The following CHRM3 variants were observed in gnomAD, a reference collection of about 807,000 sequenced individuals.
CHRM3 encodes cholinergic receptor muscarinic 3.
In CHRM3, 11 loss-of-function variants were observed where a neutral mutation model predicts 41.8. The ratio of observed to expected loss-of-function variants is 0.26; its 90% CI spans 0.17 to 0.44. The LOEUF is 0.44. Ranked by LOEUF, CHRM3 falls within the 20% of genes least tolerant of loss-of-function variation. The pLI is 1.00. For synonymous variants in CHRM3, 297 were observed against 301.4 expected (o/e 0.99, Z 0.15); for missense variants, 571 against 745.4 (o/e 0.77, Z 2.72).
chr1:239,745,827 A>AT (rs1665305372), intron 5 of CHRM3, among the ~76,000 whole-genome samples: 1 of 152,164 alleles, frequency 6.6e-6, no homozygotes, highest in African/African-American at 2.4e-5. Flanking sequence ...TTTTCTTATA[A>AT]TTTTTAATAG....
chr1:239,728,927 T>C (rs1663698689), intron 5 of CHRM3, among the ~76,000 whole-genome samples: 2 of 151,976 alleles, frequency 1.3e-5, no homozygotes, highest in South Asian at 4.1e-4. Flanking sequence ...TGATCAGCAG[T>C]TCTCTAAGTG....
intron 6 of CHRM3, among the ~76,000 whole-genome samples, chr1:239,878,170 T>C (rs1179281830): frequency 1.3e-5 from 2 of 151,264 alleles, no homozygotes; most frequent in African/African-American, 2.4e-5. Flanking sequence ...TTTCTATTAT[T>C]ATTACATTAT....
chr1:239,502,846 A>G (rs1292522932), intron 2 of CHRM3, among the ~76,000 whole-genome samples: 1 of 152,254 alleles, frequency 6.6e-6, no homozygotes, highest in Non-Finnish European at 1.5e-5. Flanking sequence ...AAAGCATTTG[A>G]CAAAATCCAG....
rs528644751 is a variant in CHRM3 at position 239,760,807 on chromosome 1, C to G, written c.-146-66445C>G. Among the ~76,000 whole-genome samples the G allele has an allele frequency of 2.8e-4, 43 of 152,258 alleles. No individual in the cohort carries two copies. In the South Asian group the frequency reaches 8.7e-3, roughly 31 times the overall value. ...CGCTTTGAAGATTGTATTTTTATCCCTGGCTTTAAGCAGTTTCATGATGAT... is the reference window on the plus strand; with the variant it reads ...CGCTTTGAAGATTGTATTTTTATCCGTGGCTTTAAGCAGTTTCATGATGAT... On this transcript the variant is annotated intron_variant, in intron 5 of 6. Transcript: ENST00000676153.
At chr1:239,470,864 T>A (rs546823959) in intron 1 of CHRM3, among the ~76,000 whole-genome samples, 8 of 152,332 alleles carry the variant, frequency 5.3e-5, no homozygotes, top group African/African-American at 1.4e-4. Flanking sequence ...TATTTTTTTT[T>A]AAATCCTTGC....
At chr1:239,897,283 A>G (rs1679090429) in intron 6 of CHRM3, among the ~76,000 whole-genome samples, 1 of 152,224 alleles carries the variant, frequency 6.6e-6, no homozygotes, top group South Asian at 2.1e-4. Context: ...CCAGATATAA[A>G]AATAAATACT....
chr1:239,404,422 G>GAA (rs1467818371), intron 1 of CHRM3, among the ~76,000 whole-genome samples: 12 of 90,840 alleles, frequency 1.3e-4, no homozygotes, highest in East Asian at 3.9e-4. Context: ...AAGAAAGAAA[G>GAA]AAAGAAAGAA....
intron 5 of CHRM3, among the ~76,000 whole-genome samples, chr1:239,692,019 C>T (rs530959405): frequency 2.0e-5 from 3 of 152,328 alleles, no homozygotes; most frequent in Admixed American, 6.5e-5. Flanking sequence ...TGTCTTACAT[C>T]AGTTTCCTCG....
At chr1:239,446,181 C>T (rs932420708) in intron 1 of CHRM3, among the ~76,000 whole-genome samples, 4 of 152,130 alleles carry the variant, frequency 2.6e-5, no homozygotes, top group Admixed American at 6.6e-5. Flanking sequence ...GTGATCCGCC[C>T]GCCTTGGCCT....
At chr1:239,618,065 G>A (rs1044689885) in intron 3 of CHRM3, among the ~76,000 whole-genome samples, 2 of 151,686 alleles carry the variant, frequency 1.3e-5, no homozygotes, top group African/African-American at 4.8e-5. Flanking sequence ...TGTTTCTAAG[G>A]AGTTTTGCTT....
At chr1:239,775,466 A>G (rs927027181) in intron 5 of CHRM3, among the ~76,000 whole-genome samples, 2 of 152,226 alleles carry the variant, frequency 1.3e-5, no homozygotes, top group African/African-American at 2.4e-5. Flanking sequence ...CTTTTGTTAT[A>G]TGAATAGAGA....
chr1:239,714,474 T>TC (rs1424240373), intron 5 of CHRM3, among the ~76,000 whole-genome samples: 2 of 152,106 alleles, frequency 1.3e-5, no homozygotes, highest in African/African-American at 4.8e-5. Context: ...AAATCAGAGT[T>TC]ACTTGGGTGA....
At chr1:239,561,165 A>G (rs368594747) in intron 3 of CHRM3, among the ~76,000 whole-genome samples, 1 of 152,166 alleles carries the variant, frequency 6.6e-6, no homozygotes, top group African/African-American at 2.4e-5. Flanking sequence ...GTCCTTAATC[A>G]GTTATCTGCA....
intron 5 of CHRM3, among the ~76,000 whole-genome samples, chr1:239,767,616 G>A (rs1477104234): frequency 6.6e-6 from 1 of 152,138 alleles, no homozygotes; most frequent in Non-Finnish European, 1.5e-5. Context: ...TATAATAAGT[G>A]AAGTATATGT....
At chr1:239,475,431 A>C (rs1452954277) in intron 1 of CHRM3, among the ~76,000 whole-genome samples, 2 of 152,144 alleles carry the variant, frequency 1.3e-5, no homozygotes, top group African/African-American at 4.8e-5. Flanking sequence ...ACTTCAGACA[A>C]ATTCCAATCA....
chr1:239,863,045 T>G (rs1675765977), intron 6 of CHRM3, among the ~76,000 whole-genome samples: 1 of 151,974 alleles, frequency 6.6e-6, no homozygotes, highest in African/African-American at 2.4e-5. Flanking sequence ...TCAGGAGGAG[T>G]TTTTGCCCAT....
intron 1 of CHRM3, among the ~76,000 whole-genome samples, chr1:239,400,173 T>A (rs1352736323): frequency 6.6e-6 from 1 of 152,202 alleles, no homozygotes; most frequent in Non-Finnish European, 1.5e-5. Context: ...CCTTCCAAAG[T>A]GTGGGGATTA....
Position 239,423,715 on chromosome 1 carries a change from G to GT in CHRM3, c.-521+36494dup, listed in dbSNP as rs971804980. On this transcript the variant is annotated intron_variant, in intron 1 of 6. Coordinates refer to ENST00000676153, the MANE Select transcript of CHRM3 (RefSeq NM_001375978.1). ...AGAGTAGAAGCCCAGTAAATAGTAG[G>GT]TTTTTTAAAGAAATACATATTATTA... Among the ~76,000 whole-genome samples, 37 of 152,078 alleles carry GT rather than the reference G, an allele frequency of 2.4e-4. 2 individuals are homozygous for GT. In the South Asian group the frequency reaches 5.2e-3, roughly 21 times the overall value.
intron 3 of CHRM3, among the ~76,000 whole-genome samples, chr1:239,608,256 A>C (rs535615185): frequency 1.9e-3 from 282 of 152,306 alleles, no homozygotes; most frequent in Non-Finnish European, 2.8e-3. Context: ...AGATTTCTGA[A>C]CAAGCGCCAT....
Sources: allele counts gnomAD v4.1 joint callset (sites outside exome capture counted in the v4.1 genomes callset), GRCh38; gene constraint gnomAD v4.1.1; transcripts MANE v1.5; gene names NCBI Gene and HGNC (gene_info 2026-07-23, HGNC 2026-07-21).